RAP1GAP: variants seen among roughly 807,000 people sequenced by gnomAD.
RAP1GAP encodes rap1 GTPase-activating protein 1.
Under a neutral mutation model 87.2 loss-of-function variants are expected in RAP1GAP, and 35 were observed. The ratio of observed to expected loss-of-function variants is 0.40; its 90% CI spans 0.31 to 0.53. The LOEUF (loss-of-function observed/expected upper bound fraction) is 0.53. Among genes scored for constraint, RAP1GAP ranks in the 20% least tolerant of loss-of-function variants. RAP1GAP has a pLI of 0.48. For synonymous variants in RAP1GAP, 375 were observed against 363.9 expected, an observed-to-expected ratio of 1.03 and a Z score of -0.35; for missense variants, 734 against 898.9, an observed-to-expected ratio of 0.82 and a Z score of 2.35.
chr1:21,628,677 G>A (rs546652289), intron 2 of RAP1GAP, among the ~76,000 whole-genome samples: 10 of 151,100 alleles, frequency 6.6e-5, no homozygotes, highest in South Asian at 2.1e-4. Flanking sequence ...CTGAAATTGC[G>A]CCACTGCACT....
intron 2 of RAP1GAP, among the ~76,000 whole-genome samples, chr1:21,629,538 C>A (rs1221118186): frequency 6.6e-6 from 1 of 152,150 alleles, no homozygotes; most frequent in East Asian, 1.9e-4. Context: ...ACAGTCCTGT[C>A]CCCCGAAGGC....
chr1:21,611,785 T>G lies in RAP1GAP; in HGVS notation c.644A>C (p.Glu215Ala). Residue 215 changes from glutamate (E) to alanine (A), a missense_variant, in exon 12 of 25, where the codon GAG (glutamate) becomes GCG (alanine). By Grantham distance (107) the Glu-to-Ala change is moderately radical (BLOSUM62 -1). This residue lies in a region of RAP1GAP where 485 missense variants were observed against 646.2 expected (regional missense o/e 0.75). Transcript: ENST00000374765. ...GAACTCCACGAAAGCGGGACTTTCC[T>G]CATTGGTGCTGAAGAGTTCTTCCTC... ...TSEEELFSTN[E>A]ESPAFVEFLE... The G allele has an allele frequency of 6.2e-7, 1 of 1,613,944 alleles. No homozygotes were observed.
At chr1:21,612,305 G>A (rs1478507186) in intron 10 of RAP1GAP, among the ~76,000 whole-genome samples, 196 bp from the exon 11 acceptor site, 1 of 152,112 alleles carries the variant, frequency 6.6e-6, no homozygotes, top group African/African-American at 2.4e-5. Flanking sequence ...CTCACCTAGG[G>A]TCAATGGCTT....
intron 7 of RAP1GAP, among the ~76,000 whole-genome samples, chr1:21,616,758 G>T (rs561030464): frequency 6.6e-6 from 1 of 152,236 alleles, no homozygotes; most frequent in African/African-American, 2.4e-5. Context: ...ACTCCAAGCT[G>T]CCCAAAGGGA....
intron 2 of RAP1GAP, among the ~76,000 whole-genome samples, chr1:21,647,074 A>C (rs2151770056): frequency 6.6e-6 from 1 of 152,334 alleles, no homozygotes; most frequent in East Asian, 1.9e-4. Context: ...CTCCCTGAAC[A>C]CACTCAATTC....
chr1:21,645,529 G>A (rs551939110), intron 2 of RAP1GAP, among the ~76,000 whole-genome samples: 1 of 152,354 alleles, frequency 6.6e-6, no homozygotes, highest in South Asian at 2.1e-4. Flanking sequence ...AGAAGTGGCT[G>A]CTAGGATAGC....
rs367778286 is a variant in RAP1GAP at position 21,599,578 on chromosome 1, G to A, written c.1692C>T (p.Asp564=). Residue 564 remains aspartate, a synonymous_variant, in exon 21 of 25, where the codon GAC becomes GAT. Coordinates refer to ENST00000374765, the MANE Select transcript of RAP1GAP (RefSeq NM_002885.4). ...TAAQRAEALK[D]FSRSSSSASS... ...TGGCACTGGACGAGGAGCGGGAGAA[G>A]TCCTTGAGCGCCTCTGCTCTCTGCG... 3 of 1,608,434 alleles carry A rather than the reference G, an allele frequency of 1.9e-6. No homozygotes were observed. Among genetic ancestry groups the A allele is most frequent in the Admixed American group, 1.7e-5 (1 of 59,996 alleles).
chr1:21,608,285 C>T lies in RAP1GAP; in HGVS notation c.1224G>A (p.Met408Ile). 1 of 1,614,130 alleles carries T rather than the reference C, an allele frequency of 6.2e-7. No individual in the cohort carries two copies. Among genetic ancestry groups the T allele is most frequent in the Non-Finnish European group, 8.5e-7 (1 of 1,179,996 alleles). ...YEELHIHSQSMMGLGGDEDKM... is the reference protein window; with the variant it reads ...YEELHIHSQSIMGLGGDEDKM... ...TGTCCTCGTCGCCGCCCAAGCCCAT[C>T]ATGGACTGGCTGTGGATGTGTAGTT... The change falls in exon 17 of 25, where the codon ATG (methionine) becomes ATA (isoleucine). Residue 408 changes from methionine to isoleucine, a missense_variant. Transcript: ENST00000374765.
At chr1:21,605,673 G>A (rs2073976758) in intron 18 of RAP1GAP, among the ~76,000 whole-genome samples, 1 of 152,004 alleles carries the variant, frequency 6.6e-6, no homozygotes, top group Non-Finnish European at 1.5e-5. Flanking sequence ...CACAGTAGGT[G>A]CTCCCAGAAA....
At chr1:21,644,785 C>A (rs986447616) in intron 2 of RAP1GAP, among the ~76,000 whole-genome samples, 3 of 151,564 alleles carry the variant, frequency 2.0e-5, no homozygotes, top group Non-Finnish European at 4.4e-5. Flanking sequence ...GCCTGTAATC[C>A]CAGCTACTCA....
chr1:21,620,107 T>C (rs932990633), intron 3 of RAP1GAP, 57 bp from the exon 4 acceptor site: 2 of 1,599,168 alleles, frequency 1.3e-6, no homozygotes, highest in African/African-American at 1.4e-5. Flanking sequence ...CCCAGAGGAG[T>C]CTCCACCCGC....
chr1:21,661,220 C>A (rs2097142687), intron 1 of RAP1GAP, among the ~76,000 whole-genome samples: 2 of 150,770 alleles, frequency 1.3e-5, no homozygotes, highest in Non-Finnish European at 2.9e-5. Flanking sequence ...CCACTGCACT[C>A]CAGTCTGGGC....
intron 5 of RAP1GAP, 83 bp downstream of exon 5, chr1:21,618,942 C>T: frequency 7.0e-7 from 1 of 1,425,108 alleles, no homozygotes; most frequent in Non-Finnish European, 9.6e-7. Flanking sequence ...GGATGGATTT[C>T]CTGCTTGATG....
intron 3 of RAP1GAP, among the ~76,000 whole-genome samples, chr1:21,623,829 G>A (rs829407): frequency 1.7e-4 from 26 of 152,280 alleles, no homozygotes; most frequent in Middle Eastern, 3.4e-3. Context: ...CACTGCCCCC[G>A]GGGGAGGCGA....
intron 2 of RAP1GAP, among the ~76,000 whole-genome samples, chr1:21,633,662 G>A (rs1354336081): frequency 2.0e-5 from 3 of 152,106 alleles, no homozygotes; most frequent in Non-Finnish European, 4.4e-5. Context: ...GGAAGGGCGG[G>A]GGAGGGGTTC....
rs1005261407 is a variant in RAP1GAP, at chr1:21,613,358, C to T, written c.475-129G>A. ...GAATGGCCAAGGCTAAAGCAGGACT[C>T]GGGGTTCACTGTTGCTCAGGGAACG... On this transcript the variant is annotated intron_variant, in intron 9 of 24. Coordinates refer to ENST00000374765, the MANE Select transcript of RAP1GAP (RefSeq NM_002885.4). The surrounding 1 kb of genome is among the most constrained non-coding windows in gnomAD (Gnocchi z 4.7). 158 of 896,530 alleles carry T rather than the reference C, an allele frequency of 1.8e-4. No individual in the cohort carries two copies. Among genetic ancestry groups the T allele is most frequent in the African/African-American group, 1.1e-3 (69 of 60,958 alleles). 55.5% of individuals were successfully genotyped at this position (896,530 alleles called of 1,614,324 possible).
intron 5 of RAP1GAP, 87 bp from the exon 6 acceptor site, chr1:21,618,059 G>A (rs899263894): frequency 6.5e-7 from 1 of 1,534,746 alleles, no homozygotes; most frequent in Admixed American, 1.7e-5. Context: ...CAGCCTCAGG[G>A]CTGAGAGTGC....
chr1:21,623,789 G>A (rs756572875), intron 3 of RAP1GAP, among the ~76,000 whole-genome samples: 5 of 152,202 alleles, frequency 3.3e-5, no homozygotes, highest in African/African-American at 4.8e-5. Flanking sequence ...GGCACCCATC[G>A]AAATCCAGCC....
At chr1:21,636,244 A>G (rs773726610) in intron 2 of RAP1GAP, among the ~76,000 whole-genome samples, 6 of 152,258 alleles carry the variant, frequency 3.9e-5, no homozygotes, top group Admixed American at 6.5e-5. Flanking sequence ...ACTCTGCCAC[A>G]TAACAGCTGT....
Sources: gnomAD v4.1 joint callset for allele counts (sites outside exome capture counted in the v4.1 genomes callset) on GRCh38, gnomAD v4.1.1 for gene constraint, gnomAD v4.1.1 regional missense constraint, Gnocchi (gnomAD v3.1) non-coding constraint, MANE v1.5 for transcripts, NCBI Gene and HGNC (gene_info 2026-07-23, HGNC 2026-07-21) for gene names.